POLR2F: variants seen among roughly 807,000 people sequenced by gnomAD.
POLR2F encodes RNA polymerase II, I and III subunit F, also known as DNA-directed RNA polymerases I, II, and III subunit RPABC2.
In POLR2F, 12 loss-of-function variants were observed where a neutral mutation model predicts 22.7. The ratio of observed to expected loss-of-function variants is 0.53; its 90% CI spans 0.34 to 0.86. The LOEUF (loss-of-function observed/expected upper bound fraction) is 0.86, where lower values mean the gene tolerates loss of function less well. Ranked by LOEUF, POLR2F falls within the 40% of genes least tolerant of loss-of-function variation. The probability of loss-of-function intolerance (pLI) is 0.02; values close to 1 mark genes in which losing one functional copy is unlikely to be tolerated. For synonymous variants in POLR2F, 57 were observed against 66.0 expected, an observed-to-expected ratio of 0.86 and a Z score of 0.66; for missense variants, 126 against 171.5, an observed-to-expected ratio of 0.73 and a Z score of 1.48.
chr22:37,981,511 G>A (rs1274768048), upstream of POLR2F, among the ~76,000 whole-genome samples: 1 of 152,210 alleles, frequency 6.6e-6, no homozygotes, highest in African/African-American at 2.4e-5. Flanking sequence ...CAAGCCCAGG[G>A]TTCTGGGCTG....
chr22:37,977,861 A>G (rs755503389), intron 4 of POLR2F: 2 of 1,606,476 alleles, frequency 1.2e-6, no homozygotes, highest in Non-Finnish European at 1.7e-6. Flanking sequence ...TGTCATCAGC[A>G]CTCACCTGAG....
At chr22:37,954,191 C>CG (rs1360342101) in intron 1 of POLR2F, among the ~76,000 whole-genome samples, 2 of 151,994 alleles carry the variant, frequency 1.3e-5, no homozygotes, top group Non-Finnish European at 2.9e-5. Flanking sequence ...TAACGGTGGT[C>CG]GCGTGAGCTT....
upstream of POLR2F, chr22:37,984,160 C>T: frequency 6.0e-6 from 1 of 165,606 alleles, no homozygotes; most frequent in South Asian, 1.9e-4. This position sits in a 1 kb window ranked among gnomAD's most constrained non-coding sequence, Gnocchi z 4.4. Flanking sequence ...TTATTTTGCT[C>T]TAATCCCGGC....
intron 1 of POLR2F, among the ~76,000 whole-genome samples, chr22:38,011,305 A>G (rs2084870029): frequency 6.6e-6 from 1 of 151,782 alleles, no homozygotes; most frequent in African/African-American, 2.4e-5. Context: ...AGGTTTTGCC[A>G]TATTGCCCAG....
upstream of POLR2F, chr22:37,983,587 G>C (rs1422539913): frequency 6.2e-7 from 1 of 1,609,710 alleles, no homozygotes; most frequent in Non-Finnish European, 8.5e-7. The surrounding 1 kb of genome is among the most constrained non-coding windows in gnomAD (Gnocchi z 9.5). Context: ...CGGGGAACTT[G>C]TCATCGTCCG....
intron 1 of POLR2F, among the ~76,000 whole-genome samples, chr22:38,004,950 A>G (rs763066028): frequency 2.0e-5 from 3 of 152,160 alleles, no homozygotes; most frequent in Non-Finnish European, 4.4e-5. Context: ...GTCTCAAAAA[A>G]CAAAACAAAA....
At position 38,017,552 on chromosome 22, in the gene POLR2F, A is replaced by C. The variant is rs1009542448; in HGVS notation, c.121-8317A>C. Among the ~76,000 whole-genome samples, 3 of 152,172 alleles carry C rather than the reference A, an allele frequency of 2.0e-5. No homozygotes were observed. The highest frequency in any genetic ancestry group is 6.5e-5 in the Admixed American group (1 of 15,284). On this transcript the variant is annotated intron_variant, in intron 1 of 2. Coordinates refer to the POLR2F transcript ENST00000333418. The surrounding 1 kb of genome is among the most constrained non-coding windows in gnomAD (Gnocchi z 4.1). ...GCTGTAGGGTCCTTCCAGATCTGGCAGTCTGGGCTGTATCTAGGGCTATGT... is the reference window on the plus strand; with the variant it reads ...GCTGTAGGGTCCTTCCAGATCTGGCCGTCTGGGCTGTATCTAGGGCTATGT...
chr22:37,970,122 T>C (rs1931999109), downstream of POLR2F, among the ~76,000 whole-genome samples: 1 of 151,772 alleles, frequency 6.6e-6, no homozygotes, highest in Non-Finnish European at 1.5e-5. Context: ...TGAAACCCCG[T>C]CTGTACTAAA....
At chr22:38,022,658 T>TTA (rs1385001996) in intron 1 of POLR2F, among the ~76,000 whole-genome samples, 1 of 152,118 alleles carries the variant, frequency 6.6e-6, no homozygotes, top group African/African-American at 2.4e-5. Context: ...TATATACATG[T>TTA]TTTACTATGC....
rs368091465 is a variant in POLR2F, at chr22:37,992,694, C to T, written c.120+6382C>T. 2.3e-4 allele frequency among the ~76,000 whole-genome samples: 35 copies of T among 152,278 alleles called. 1 individual carries two copies. Among genetic ancestry groups the T allele is most frequent in the African/African-American group, 3.4e-4 (14 of 41,548 alleles). On this transcript the variant is annotated intron_variant, in intron 1 of 2. Coordinates refer to the POLR2F transcript ENST00000333418. ...GATTACAGGTGTGAGCCACCGTGCC[C>T]GCCCCCCGGCTAATTTTTATATTAG... is the stretch of plus-strand genomic sequence containing the variant.
At chr22:38,001,940 A>C (rs1457252978) in intron 1 of POLR2F, among the ~76,000 whole-genome samples, 1 of 149,214 alleles carries the variant, frequency 6.7e-6, no homozygotes. Flanking sequence ...CAATTCTCCC[A>C]CTTCCGCCTC....
chr22:38,025,756 C>G, intron 1 of POLR2F: 1 of 1,539,010 alleles, frequency 6.5e-7, no homozygotes, highest in Non-Finnish European at 8.8e-7. Context: ...CTCACCCGAG[C>G]TGAACACAGG....
intron 4 of POLR2F, among the ~76,000 whole-genome samples, chr22:37,975,924 CTA>C (rs1201548103): frequency 2.7e-5 from 4 of 150,876 alleles, no homozygotes; most frequent in African/African-American, 9.9e-5. Flanking sequence ...GTTTCTCTCT[CTA>C]TATATATACT....
chr22:38,022,565 A>G (rs552367968), intron 1 of POLR2F, among the ~76,000 whole-genome samples: 3 of 151,758 alleles, frequency 2.0e-5, no homozygotes, highest in South Asian at 4.1e-4. Context: ...AAAAAAAAAA[A>G]AAAAAAGAAA....
intron 5 of POLR2F, chr22:38,040,234 G>T (rs889513651): frequency 1.0e-4 from 13 of 128,634 alleles, no homozygotes; most frequent in African/African-American, 4.0e-4. Flanking sequence ...GCAGTGAGCC[G>T]AGATCACACC....
chr22:37,991,913 C>T (rs1435891547), intron 1 of POLR2F, among the ~76,000 whole-genome samples: 1 of 152,164 alleles, frequency 6.6e-6, no homozygotes, highest in Non-Finnish European at 1.5e-5. Flanking sequence ...CTCCGTGGTG[C>T]CTGTTACATA....
chr22:37,984,115 G>T (rs1932497345), upstream of POLR2F: 1 of 203,284 alleles, frequency 4.9e-6, no homozygotes, highest in Admixed American at 6.0e-5. This position sits in a 1 kb window ranked among gnomAD's most constrained non-coding sequence, Gnocchi z 4.4. Context: ...TTGGGTGGAG[G>T]TTTGTTGATG....
In POLR2F at chr22:38,016,979, C is replaced by T. The variant is rs988729119; in HGVS notation, c.121-8890C>T. 3.9e-5 allele frequency among the ~76,000 whole-genome samples: 6 copies of T among 152,088 alleles called. No homozygotes were observed. The highest frequency in any genetic ancestry group is 2.1e-4 in the South Asian group (1 of 4,830). ...GAGAGATGGAGCCAGGCCGGGGTGC[C>T]GGGGGGCAGCGCAAGGGGCCAGCCA... On this transcript the variant is annotated intron_variant, in intron 1 of 2. Transcript: ENST00000333418. The surrounding 1 kb of genome is among the most constrained non-coding windows in gnomAD (Gnocchi z 4.4).
At chr22:37,991,422 A>G (rs1932725436) in intron 1 of POLR2F, among the ~76,000 whole-genome samples, 1 of 152,178 alleles carries the variant, frequency 6.6e-6, no homozygotes, top group Admixed American at 6.5e-5. Flanking sequence ...CCTGGCCACC[A>G]TTATTTAAAA....
Sources: gnomAD v4.1 joint callset for allele counts (sites outside exome capture counted in the v4.1 genomes callset) on GRCh38, gnomAD v4.1.1 for gene constraint, Gnocchi (gnomAD v3.1) non-coding constraint, MANE v1.5 for transcripts, NCBI Gene and HGNC (gene_info 2026-07-23, HGNC 2026-07-21) for gene names.